IQSEC3: variants seen among roughly 807,000 people sequenced by gnomAD.
IQSEC3 encodes the protein IQ motif and Sec7 domain ArfGEF 3.
Under a neutral mutation model 105.4 loss-of-function variants are expected in IQSEC3, and 50 were observed. That is an observed-to-expected ratio of 0.47 (90% CI 0.38 to 0.60). The LOEUF (loss-of-function observed/expected upper bound fraction) is 0.60. IQSEC3 is among the 20% of genes least tolerant of loss of function. IQSEC3 has a pLI of 0.00. For synonymous variants in IQSEC3, 708 were observed against 746.0 expected, an observed-to-expected ratio of 0.95 and a Z score of 0.83; for missense variants, 1,415 against 1,630.0, an observed-to-expected ratio of 0.87 and a Z score of 2.27.
chr12:141,039 A>T (rs909463502), intron 4 of IQSEC3, 85 bp from the exon 5 acceptor site: 66 of 1,352,588 alleles, frequency 4.9e-5, no homozygotes, highest in Non-Finnish European at 6.2e-5. Context: ...ACCTCTGGGT[A>T]CTTCTATGGG....
chr12:99,654 G>A (rs1014879417), intron 2 of IQSEC3, among the ~76,000 whole-genome samples: 17 of 152,198 alleles, frequency 1.1e-4, no homozygotes, highest in African/African-American at 3.1e-4. Flanking sequence ...CCAGTCAGCC[G>A]AGGTGCCTGT....
At chr12:111,129 T>C (rs1864872020) in intron 2 of IQSEC3, among the ~76,000 whole-genome samples, 1 of 152,176 alleles carries the variant, frequency 6.6e-6, no homozygotes, top group South Asian at 2.1e-4. Context: ...CTTTTTACTA[T>C]GCTCTTTTTC....
intron 3 of IQSEC3, among the ~76,000 whole-genome samples, chr12:126,573 G>GTGTGTA (rs1555083564): frequency 1.3e-5 from 2 of 150,092 alleles, no homozygotes; most frequent in African/African-American, 5.0e-5. Context: ...GTGTGTGTGT[G>GTGTGTA]CGCTTAGAGA....
chr12:78,381 GAGA>G (rs1258940101), intron 1 of IQSEC3, among the ~76,000 whole-genome samples: 3 of 152,038 alleles, frequency 2.0e-5, no homozygotes, highest in Non-Finnish European at 4.4e-5. Context: ...GATTGCCTTG[GAGA>G]AGAAGGGGAC....
intron 2 of IQSEC3, among the ~76,000 whole-genome samples, chr12:110,378 C>T (rs1433243316): frequency 1.3e-5 from 2 of 151,692 alleles, no homozygotes; most frequent in Non-Finnish European, 2.9e-5. Flanking sequence ...CTTATTTGAT[C>T]CCTGAGCCTC....
chr12:164,919 A>G (rs1433923836), intron 9 of IQSEC3, among the ~76,000 whole-genome samples: 1 of 152,240 alleles, frequency 6.6e-6, no homozygotes, highest in Non-Finnish European at 1.5e-5. Context: ...GATAGTACAG[A>G]GAGTGACTGG....
intron 1 of IQSEC3, among the ~76,000 whole-genome samples, chr12:98,032 T>G (rs1412638615): frequency 1.3e-5 from 2 of 152,110 alleles, no homozygotes; most frequent in Non-Finnish European, 2.9e-5. Flanking sequence ...CAGTAAAGAT[T>G]TGGTTTGGAC....
At chr12:147,018 A>C (rs1297900549) in intron 5 of IQSEC3, among the ~76,000 whole-genome samples, 2 of 152,208 alleles carry the variant, frequency 1.3e-5, no homozygotes, top group Non-Finnish European at 2.9e-5. Flanking sequence ...TGGGACCTTC[A>C]GTCCAGGATT....
At position 139,033 on chromosome 12, in the gene IQSEC3, C is replaced by T. The variant is rs1555088017; in HGVS notation, c.1670C>T (p.Ala557Val). 2.0e-6 allele frequency: 3 copies of T among 1,500,146 alleles called. No individual in the cohort carries two copies. Among genetic ancestry groups the T allele is most frequent in the Non-Finnish European group, 2.7e-6 (3 of 1,124,070 alleles). 92.9% of individuals were successfully genotyped at this position (1,500,146 alleles called of 1,614,324 possible). A position where few individuals can be genotyped will look rare whatever the true frequency, so the allele number is the denominator to read the frequency against. ...DASAEDSCAE[A>V]AASGAADGAT... is the part of the protein sequence containing the mutation. ...TCAGCCGAGGACTCATGCGCAGAGG[C>T]TGCGGCTAGTGGGGCGGCGGATGGG... Residue 557 changes from alanine to valine, a missense_variant, in exon 4 of 14, where the codon GCT (alanine) becomes GTT (valine). Ala to Val is a moderately conservative substitution (Grantham distance 64). Transcript: ENST00000538872.
chr12:174,760 G>C lies in IQSEC3; in HGVS notation c.3276G>C (p.Gln1092His). Residue 1092 changes from glutamine to histidine, a missense_variant, in exon 14 of 14, where the codon CAG (glutamine) becomes CAC (histidine). Coordinates refer to ENST00000538872, the MANE Select transcript of IQSEC3 (RefSeq NM_001170738.2). ...CCACGCCCCCGGGCACCCTGGTGCA[G>C]TGCCAGCAAATTGTCAAGGTCATTG... ...PPPTPPGTLV[Q>H]CQQIVKVIVL... The C allele has an allele frequency of 6.3e-7, 1 of 1,591,334 alleles. No individual in the cohort carries two copies. Among genetic ancestry groups the C allele is most frequent in the South Asian group, 1.1e-5 (1 of 88,970 alleles).
At chr12:96,496 C>T (rs1864246469) in intron 1 of IQSEC3, among the ~76,000 whole-genome samples, 1 of 152,182 alleles carries the variant, frequency 6.6e-6, no homozygotes, top group Non-Finnish European at 1.5e-5. Flanking sequence ...AGACAGCTTT[C>T]CAGGGCCATT....
intron 5 of IQSEC3, among the ~76,000 whole-genome samples, chr12:145,545 A>G (rs1209249340): frequency 6.6e-6 from 1 of 152,226 alleles, no homozygotes; most frequent in Admixed American, 6.5e-5. Context: ...ACTCAGGTCT[A>G]CTAGGCAGAC....
chr12:96,851 A>C (rs1864255577), intron 1 of IQSEC3, among the ~76,000 whole-genome samples: 1 of 152,200 alleles, frequency 6.6e-6, no homozygotes, highest in Non-Finnish European at 1.5e-5. Context: ...CATTCAGTCA[A>C]CTGGGGGGCT....
chr12:93,216 AC>A (rs1200386211), intron 1 of IQSEC3, among the ~76,000 whole-genome samples: 1 of 151,758 alleles, frequency 6.6e-6, no homozygotes, highest in Non-Finnish European at 1.5e-5. Flanking sequence ...CCTGGCATGG[AC>A]CCCCCCAAAG....
intron 3 of IQSEC3, among the ~76,000 whole-genome samples, chr12:129,840 A>C (rs868986478): frequency 1.3e-5 from 2 of 151,922 alleles, no homozygotes; most frequent in Non-Finnish European, 2.9e-5. Flanking sequence ...AGATCCCCAT[A>C]CCCCAAGCCT....
intron 8 of IQSEC3, 139 bp downstream of exon 8, chr12:162,204 G>A: frequency 4.2e-6 from 4 of 949,084 alleles, no homozygotes; most frequent in Non-Finnish European, 6.1e-6. Context: ...CCTACTGTGT[G>A]CCAGACACTG....
intron 5 of IQSEC3, among the ~76,000 whole-genome samples, chr12:151,807 C>G (rs1470283495): frequency 6.6e-6 from 1 of 152,162 alleles, no homozygotes; most frequent in Non-Finnish European, 1.5e-5. Context: ...TGCCGTGAGC[C>G]TTTGCATATG....
intron 1 of IQSEC3, among the ~76,000 whole-genome samples, chr12:71,372 A>G (rs1334380372): frequency 1.3e-5 from 2 of 152,296 alleles, no homozygotes; most frequent in Admixed American, 6.5e-5. Context: ...ATTGGAAAGA[A>G]GCAAATGGTC....
intron 4 of IQSEC3, 83 bp from the exon 5 acceptor site, chr12:141,041 T>C: frequency 1.4e-6 from 2 of 1,404,814 alleles, no homozygotes; most frequent in Non-Finnish European, 2.0e-6. Context: ...CTCTGGGTAC[T>C]TCTATGGGTG....
Sources: gnomAD v4.1 joint callset for allele counts (sites outside exome capture counted in the v4.1 genomes callset) on GRCh38, gnomAD v4.1.1 for gene constraint, MANE v1.5 for transcripts, NCBI Gene and HGNC (gene_info 2026-07-23, HGNC 2026-07-21) for gene names.